Variants in RYR2 observed in about 807,000 individuals in gnomAD.
RYR2 encodes the protein cardiac muscle ryanodine receptor-calcium release channel.
RYR2 carries 227 observed loss-of-function variants against 601.1 expected under a neutral mutation model. That is an observed-to-expected ratio of 0.38 (90% CI 0.34 to 0.42). The LOEUF is 0.42. Ranked by LOEUF, RYR2 falls within the 10% of genes least tolerant of loss-of-function variation. RYR2 has a pLI of 1.00. For synonymous variants in RYR2, 2,223 were observed against 2,175.1 expected, an observed-to-expected ratio of 1.02 and a Z score of -0.61; for missense variants, 4,646 against 6,156.5, an observed-to-expected ratio of 0.75 and a Z score of 8.21.
chr1:237,411,627 C>T (rs1395654615), intron 10 of RYR2, among the ~76,000 whole-genome samples: 2 of 152,046 alleles, frequency 1.3e-5, no homozygotes, highest in African/African-American at 4.8e-5. Context: ...AAGTGGTCTA[C>T]GTGGGTTATA....
intron 10 of RYR2, among the ~76,000 whole-genome samples, chr1:237,393,032 G>A (rs1339850140): frequency 6.6e-6 from 1 of 152,150 alleles, no homozygotes; most frequent in Non-Finnish European, 1.5e-5. Flanking sequence ...GAGATGAAAT[G>A]CATTAGGTGA....
chr1:237,637,296 T>C (rs1414398068), intron 44 of RYR2, among the ~76,000 whole-genome samples: 1 of 152,242 alleles, frequency 6.6e-6, no homozygotes, highest in Admixed American at 6.5e-5. Flanking sequence ...GTTGCTCCTC[T>C]GTCAGTCTTA....
chr1:237,504,266 G>C (rs1269060023), intron 22 of RYR2, among the ~76,000 whole-genome samples: 2 of 152,236 alleles, frequency 1.3e-5, no homozygotes, highest in African/African-American at 2.4e-5. Flanking sequence ...CGAAAAGAGA[G>C]TCAGCAAAGG....
intron 62 of RYR2, among the ~76,000 whole-genome samples, chr1:237,684,516 G>A (rs535987738): frequency 3.9e-4 from 60 of 152,208 alleles, no homozygotes; most frequent in Non-Finnish European, 7.1e-4. Context: ...AATATGGCAA[G>A]TAGAAAAAGG....
At chr1:237,205,540 T>C (rs1681714117) in intron 1 of RYR2, among the ~76,000 whole-genome samples, 1 of 152,046 alleles carries the variant, frequency 6.6e-6, no homozygotes, top group Admixed American at 6.5e-5. Flanking sequence ...CCCAGCAGAA[T>C]TTGGTCCAGG....
Position 237,610,221 on chromosome 1 carries a change from T to C in RYR2, c.4684-541T>C, listed in dbSNP as rs1677682757. On this transcript the variant is annotated intron_variant, in intron 35 of 104. Transcript: ENST00000366574. The surrounding 1 kb of genome is among the most constrained non-coding windows in gnomAD (Gnocchi z 4.9). ...ATACTGGAGGTGGAGGAGAAATAAG[T>C]AGGTTTGTTAATGCCTAACATATTC... 6.6e-6 allele frequency among the ~76,000 whole-genome samples: 1 copy of C among 152,188 alleles called. No individual in the cohort carries two copies.
chr1:237,616,831 C>A (rs558059213), intron 37 of RYR2, among the ~76,000 whole-genome samples: 1 of 152,054 alleles, frequency 6.6e-6, no homozygotes, highest in East Asian at 1.9e-4. Context: ...ACAATCCTGG[C>A]GAAAGGCAAA....
At position 237,209,783 on chromosome 1, in the gene RYR2, G is replaced by A. The variant is rs1010868666; in HGVS notation, c.49-60714G>A. On this transcript the variant is annotated intron_variant, in intron 1 of 104. Transcript: ENST00000366574. The stretch of plus-strand genomic sequence containing the variant: ...AGTTGGGAGGATCACTTGAGCCTGG[G>A]TATTTGAGGCTGTAGTGACCTATGA... Among the ~76,000 whole-genome samples, 22 of 152,092 alleles carry A rather than the reference G, an allele frequency of 1.4e-4. 1 individual carries two copies. Among genetic ancestry groups the A allele is most frequent in the Non-Finnish European group, 1.0e-4 (7 of 68,026 alleles).
At chr1:237,451,996 G>T (rs200023466) in intron 14 of RYR2, among the ~76,000 whole-genome samples, 1 of 149,662 alleles carries the variant, frequency 6.7e-6, no homozygotes, top group Non-Finnish European at 1.5e-5. Context: ...GTTTGTGTGT[G>T]TGTTTGTGTG....
chr1:237,417,466 CACG>C (rs1705130295), intron 11 of RYR2, among the ~76,000 whole-genome samples: 1 of 152,182 alleles, frequency 6.6e-6, no homozygotes, highest in Non-Finnish European at 1.5e-5. Context: ...GATTTGGAGA[CACG>C]ACAAGTTCTT....
intron 83 of RYR2, among the ~76,000 whole-genome samples, chr1:237,760,362 A>T (rs985147448): frequency 1.8e-4 from 3 of 16,752 alleles, no homozygotes; most frequent in African/African-American, 2.4e-4. Context: ...TCGCTAATTT[A>T]AAAAAAAAAA....
chr1:237,474,870 C>T (rs1320243502), intron 17 of RYR2, among the ~76,000 whole-genome samples: 3 of 152,160 alleles, frequency 2.0e-5, no homozygotes, highest in African/African-American at 7.2e-5. Context: ...AACTCATGTG[C>T]TGTTGACTGT....
At chr1:237,632,063 G>C (rs1012596779) in intron 42 of RYR2, among the ~76,000 whole-genome samples, 9 of 151,158 alleles carry the variant, frequency 6.0e-5, no homozygotes, top group African/African-American at 1.9e-4. Context: ...CCTTGATTTT[G>C]ATAAAAATTT....
intron 58 of RYR2, among the ~76,000 whole-genome samples, chr1:237,673,078 T>C (rs946290360): frequency 6.6e-6 from 1 of 152,216 alleles, no homozygotes; most frequent in African/African-American, 2.4e-5. Context: ...GGCTAAACTA[T>C]ATTGGAAACT....
chr1:237,156,961 G>A (rs1675412993), intron 1 of RYR2, among the ~76,000 whole-genome samples: 1 of 152,208 alleles, frequency 6.6e-6, no homozygotes, highest in Admixed American at 6.5e-5. Flanking sequence ...TACAGCCACT[G>A]TGGAGAACAG....
intron 12 of RYR2, among the ~76,000 whole-genome samples, chr1:237,440,481 A>C (rs1707807278): frequency 6.6e-6 from 1 of 152,192 alleles, no homozygotes; most frequent in Non-Finnish European, 1.5e-5. Flanking sequence ...CCTGAAGATC[A>C]CAGCTATGCA....
intron 2 of RYR2, among the ~76,000 whole-genome samples, chr1:237,317,671 T>C (rs1478739678): frequency 1.3e-5 from 2 of 151,870 alleles, no homozygotes; most frequent in African/African-American, 2.4e-5. Flanking sequence ...TTCATTTTTT[T>C]CTCTCTCTCT....
intron 63 of RYR2, among the ~76,000 whole-genome samples, chr1:237,692,282 C>T (rs1687010008): frequency 6.6e-6 from 1 of 152,336 alleles, no homozygotes; most frequent in Middle Eastern, 3.4e-3. Flanking sequence ...ATTGATTTCT[C>T]TTTCCACTCC....
At chr1:237,518,265 T>G (rs920279486) in intron 24 of RYR2, among the ~76,000 whole-genome samples, 2 of 151,952 alleles carry the variant, frequency 1.3e-5, no homozygotes, top group Non-Finnish European at 2.9e-5. Context: ...TTTTTTTGCC[T>G]TTTTAAAAAT....
Sources: gnomAD v4.1 joint callset for allele counts (sites outside exome capture counted in the v4.1 genomes callset) on GRCh38, gnomAD v4.1.1 for gene constraint, Gnocchi (gnomAD v3.1) non-coding constraint, MANE v1.5 for transcripts, NCBI Gene and HGNC (gene_info 2026-07-23, HGNC 2026-07-21) for gene names.